NOL4: variants seen among roughly 807,000 people sequenced by gnomAD.
NOL4 encodes cancer/testis antigen 125.
NOL4 carries 17 observed loss-of-function variants against 75.9 expected under a neutral mutation model. The ratio of observed to expected loss-of-function variants is 0.22; its 90% CI spans 0.15 to 0.34. The LOEUF is 0.34. NOL4 is among the 10% of genes least tolerant of loss of function. The probability of loss-of-function intolerance (pLI) is 1.00; values close to 1 mark genes in which losing one functional copy is unlikely to be tolerated. For synonymous variants in NOL4, 292 were observed against 289.9 expected (o/e 1.01, Z -0.07); for missense variants, 614 against 793.5 (o/e 0.77, Z 2.72).
intron 9 of NOL4, among the ~76,000 whole-genome samples, chr18:33,884,517 A>G (rs893548027): frequency 6.6e-6 from 1 of 152,164 alleles, no homozygotes; most frequent in Non-Finnish European, 1.5e-5. Context: ...TATATTTTCA[A>G]TAGCAATACA....
At chr18:34,193,895 A>C (rs2035104891) in intron 1 of NOL4, among the ~76,000 whole-genome samples, 1 of 152,224 alleles carries the variant, frequency 6.6e-6, no homozygotes, top group Non-Finnish European at 1.5e-5. Flanking sequence ...AAATACATGC[A>C]GCATTAATAA....
At position 34,082,206 on chromosome 18, in the gene NOL4, C is replaced by T. The variant is rs141769424; in HGVS notation, c.772+11259G>A. On this transcript the variant is annotated intron_variant, in intron 5 of 10. Coordinates refer to ENST00000261592, the MANE Select transcript of NOL4 (RefSeq NM_003787.5). ...CATAAACTATAGGATATAATAAATG[C>T]GGTGGTTACACAGCTGGGCTTGTGG... 3.9e-5 allele frequency among the ~76,000 whole-genome samples: 6 copies of T among 152,204 alleles called. 1 individual carries two copies. The highest frequency in any genetic ancestry group is 1.2e-4 in the African/African-American group (5 of 41,530).
chr18:33,945,749 C>T (rs2145603146), intron 8 of NOL4, among the ~76,000 whole-genome samples: 1 of 151,868 alleles, frequency 6.6e-6, no homozygotes, highest in Non-Finnish European at 1.5e-5. Flanking sequence ...TGATTCAATA[C>T]TTCCCGTAGA....
At chr18:34,048,827 T>C (rs2076500968) in intron 5 of NOL4, among the ~76,000 whole-genome samples, 1 of 152,104 alleles carries the variant, frequency 6.6e-6, no homozygotes, top group South Asian at 2.1e-4. Context: ...GTTAAGAACA[T>C]GGCTGGAAGA....
intron 5 of NOL4, among the ~76,000 whole-genome samples, chr18:34,091,579 T>G (rs75514686): frequency 0.013 from 1,980 of 152,238 alleles, 46 homozygotes; most frequent in African/African-American, 0.045. Context: ...CTGTGAGAGA[T>G]AAATTTCTGT....
intron 5 of NOL4, among the ~76,000 whole-genome samples, chr18:34,090,716 G>C (rs960300138): frequency 6.6e-6 from 1 of 152,066 alleles, no homozygotes; most frequent in Non-Finnish European, 1.5e-5. Flanking sequence ...AGGACTAAGG[G>C]TTGACCAATG....
At chr18:34,089,962 C>T (rs892225347) in intron 5 of NOL4, among the ~76,000 whole-genome samples, 2 of 152,034 alleles carry the variant, frequency 1.3e-5, no homozygotes, top group African/African-American at 2.4e-5. Flanking sequence ...CAAACACACA[C>T]ACCCCTAATA....
At chr18:34,059,116 GATATACATATATATATATATATATAT>G (rs1460657041) in intron 5 of NOL4, among the ~76,000 whole-genome samples, 4 of 80,948 alleles carry the variant, frequency 4.9e-5, no homozygotes, top group Admixed American at 1.7e-4. Flanking sequence ...GAGATAGATA[GATATACATATATATATATATATATAT>G]ATATATATAT....
At chr18:33,958,792 A>C (rs2069864720) in intron 6 of NOL4, among the ~76,000 whole-genome samples, 1 of 152,136 alleles carries the variant, frequency 6.6e-6, no homozygotes, top group South Asian at 2.1e-4. Flanking sequence ...CTTAGAACTT[A>C]ATATGACCTC....
chr18:33,882,230 C>T (rs1283823298), intron 10 of NOL4, among the ~76,000 whole-genome samples: 1 of 152,146 alleles, frequency 6.6e-6, no homozygotes, highest in Non-Finnish European at 1.5e-5. Flanking sequence ...TAAAGAGCTT[C>T]TGCACAGCAA....
chr18:33,871,206 A>G (rs1032115408), intron 10 of NOL4, among the ~76,000 whole-genome samples: 3 of 152,086 alleles, frequency 2.0e-5, no homozygotes, highest in Admixed American at 2.0e-4. Flanking sequence ...AAGGTTGAAA[A>G]GTTTATGAAG....
chr18:34,001,486 AAGACTTCAT>A (rs2073701405), intron 6 of NOL4, among the ~76,000 whole-genome samples: 1 of 152,096 alleles, frequency 6.6e-6, no homozygotes. Flanking sequence ...TAATGTCTTA[AAGACTTCAT>A]AGCCCTGACA....
intron 10 of NOL4, among the ~76,000 whole-genome samples, chr18:33,877,490 C>T (rs911163897): frequency 2.0e-5 from 3 of 148,288 alleles, no homozygotes; most frequent in African/African-American, 5.0e-5. Flanking sequence ...TAAACAACTC[C>T]AAAATCATTA....
intron 9 of NOL4, among the ~76,000 whole-genome samples, chr18:33,938,470 CA>C (rs1290966242): frequency 1.3e-5 from 2 of 152,086 alleles, no homozygotes; most frequent in African/African-American, 4.8e-5. Context: ...TAATGATCGC[CA>C]TTCTAACAGG....
intron 5 of NOL4, among the ~76,000 whole-genome samples, chr18:34,054,689 T>C (rs988684045): frequency 6.6e-6 from 1 of 151,774 alleles, no homozygotes; most frequent in Non-Finnish European, 1.5e-5. Flanking sequence ...GGGAGTTTAA[T>C]CCATTTACAT....
rs79317254 is a variant in NOL4 at position 34,152,424 on chromosome 18, C to G, written c.265-22404G>C. ...GCTCTTGGTTTGAAAACAAAATAGT[C>G]TAATCTTTTGGGAAAACAATGGAGG... On this transcript the variant is annotated intron_variant, in intron 1 of 10. Transcript: ENST00000261592. Among the ~76,000 whole-genome samples, 1,138 of 151,946 alleles carry G rather than the reference C, an allele frequency of 7.5e-3. 15 individuals are homozygous for G. The highest frequency in any genetic ancestry group is 0.025 in the African/African-American group (1,048 of 41,510).
At chr18:34,024,286 C>T (rs545936682) in intron 5 of NOL4, among the ~76,000 whole-genome samples, 1 of 147,082 alleles carries the variant, frequency 6.8e-6, no homozygotes, top group East Asian at 2.0e-4. Flanking sequence ...ACAGGGTCCA[C>T]AAAGATTTTA....
intron 9 of NOL4, among the ~76,000 whole-genome samples, chr18:33,935,412 A>G (rs2067990406): frequency 6.6e-6 from 1 of 152,126 alleles, no homozygotes; most frequent in African/African-American, 2.4e-5. Context: ...TCAGGGAATC[A>G]GAAAGGCTGA....
intron 5 of NOL4, among the ~76,000 whole-genome samples, chr18:34,020,549 A>G (rs2074977210): frequency 6.6e-6 from 1 of 152,336 alleles, no homozygotes; most frequent in Admixed American, 6.5e-5. Flanking sequence ...CTTTGTAGGT[A>G]AACATTTATA....
Sources: gnomAD v4.1 joint callset for allele counts (sites outside exome capture counted in the v4.1 genomes callset) on GRCh38, gnomAD v4.1.1 for gene constraint, MANE v1.5 for transcripts, NCBI Gene and HGNC (gene_info 2026-07-23, HGNC 2026-07-21) for gene names.